Variants in COX18 observed in about 807,000 individuals in gnomAD.
COX18 encodes the protein cytochrome c oxidase assembly protein COX18, mitochondrial.
A neutral mutation model predicts 38.0 loss-of-function variants in COX18; 45 were observed. That is an observed-to-expected ratio of 1.18 (90% CI 0.93 to 1.52). COX18 has a LOEUF of 1.52. Among genes scored for constraint, COX18 ranks in the 40% most tolerant of loss-of-function variants. The pLI is 0.00. For missense variants in COX18, 462 were observed against 423.8 expected, an observed-to-expected ratio of 1.09 and a Z score of -0.79; for synonymous variants, 177 against 169.8, an observed-to-expected ratio of 1.04 and a Z score of -0.33.
intron 4 of COX18, among the ~76,000 whole-genome samples, chr4:73,062,320 T>C (rs1370077506): frequency 6.6e-6 from 1 of 151,774 alleles, no homozygotes; most frequent in African/African-American, 2.4e-5. Flanking sequence ...ATCATGCCAC[T>C]GCACTCCAGC....
intron 2 of COX18, among the ~76,000 whole-genome samples, chr4:73,067,231 T>C (rs551787120): frequency 6.0e-4 from 91 of 152,350 alleles, no homozygotes; most frequent in African/African-American, 2.1e-3. Context: ...CTGTAGGCTA[T>C]TACCTGCTGT....
intron 5 of COX18, among the ~76,000 whole-genome samples, chr4:73,061,099 G>A (rs1720132640): frequency 6.6e-6 from 1 of 152,102 alleles, no homozygotes; most frequent in Admixed American, 6.5e-5. Flanking sequence ...TTTCTATAAA[G>A]ATTAATTAGG....
Position 73,069,664 on chromosome 4 carries a change from G to A in COX18, c.-15C>T, listed in dbSNP as rs779943392. On this transcript the variant is annotated 5_prime_UTR_variant, in exon 1 of 6. Coordinates refer to ENST00000507544, the MANE Select transcript of COX18 (RefSeq NM_001297732.2). ...CGGCACAGCATTTCTGCACCACGGCGGAGCCCAGATCCCGGGCCTCACAAT... is the reference window on the plus strand; with the variant it reads ...CGGCACAGCATTTCTGCACCACGGCAGAGCCCAGATCCCGGGCCTCACAAT... 3 of 1,541,964 alleles carry A rather than the reference G, an allele frequency of 1.9e-6. No individual in the cohort carries two copies. The highest frequency in any genetic ancestry group is 8.7e-7 in the Non-Finnish European group (1 of 1,149,262).
intron 5 of COX18, among the ~76,000 whole-genome samples, chr4:73,061,157 AAAT>A (rs1720135138): frequency 1.3e-5 from 2 of 152,216 alleles, no homozygotes; most frequent in African/African-American, 4.8e-5. Context: ...TTATGAGATT[AAAT>A]AATACCATAC....
intron 5 of COX18, 28 bp from the exon 6 acceptor site, chr4:73,058,315 A>C: frequency 6.5e-7 from 1 of 1,530,938 alleles, no homozygotes; most frequent in South Asian, 1.2e-5. Context: ...AAATGTTAGC[A>C]TCTGTAATTC....
Position 73,069,498 on chromosome 4 carries a change from GCATGTACTGC to G in COX18, c.142_151del (p.Ala48ArgfsTer69). ...GGCCAGGGCCTCGTACCAGCCGTTC[GCATGTACTGC>G]AGAGACTGGTGCCACTGCCCACACT... On this transcript the variant is annotated frameshift_variant, in exon 1 of 6. Transcript: ENST00000507544. LOFTEE classifies it high-confidence loss of function. The G allele has an allele frequency of 6.3e-7, 1 of 1,591,904 alleles. No homozygotes were observed. Among genetic ancestry groups the G allele is most frequent in the Non-Finnish European group, 8.5e-7 (1 of 1,169,976 alleles).
intron 2 of COX18, 58 bp from the exon 3 acceptor site, chr4:73,065,471 C>T (rs1720403921): frequency 1.4e-6 from 2 of 1,472,638 alleles, no homozygotes; most frequent in Middle Eastern, 1.8e-4. Flanking sequence ...AAGAATCGTG[C>T]TTTATTTCCA....
chr4:73,063,332 C>CA (rs912055710), intron 4 of COX18, among the ~76,000 whole-genome samples: 15 of 152,126 alleles, frequency 9.9e-5, no homozygotes, highest in Middle Eastern at 6.8e-3. Flanking sequence ...AACAAACAAA[C>CA]AAAAAACACA....
At chr4:73,065,809 T>G (rs4694155) in intron 2 of COX18, among the ~76,000 whole-genome samples, 68,454 of 152,050 alleles carry the variant, frequency 0.45, 15,584 homozygotes, top group Admixed American at 0.52. Context: ...CATCCCTGAA[T>G]ATACCTTTTG....
chr4:73,068,438 T>C (rs548767635), intron 1 of COX18: 209 of 206,238 alleles, frequency 1.0e-3, no homozygotes, highest in African/African-American at 4.7e-3. Context: ...AACTGCACCC[T>C]GGGCTTTACT....
chr4:73,066,212 C>T lies in COX18; in HGVS notation c.435-799G>A, dbSNP rs923984132. Among the ~76,000 whole-genome samples the T allele has an allele frequency of 3.3e-5, 5 of 152,182 alleles. No homozygotes were observed. The South Asian group carries it at 6.2e-4, about 19-fold the overall frequency. On this transcript the variant is annotated intron_variant, in intron 2 of 5. Transcript: ENST00000507544. ...TTTGCCTATTCTTCCAATTTTATCT[C>T]GTTACTCCTCTAGACACCTGCATAT...
intron 1 of COX18, 95 bp downstream of exon 1, chr4:73,069,222 C>T: frequency 2.2e-6 from 2 of 903,624 alleles, no homozygotes; most frequent in Non-Finnish European, 3.3e-6. Flanking sequence ...CTGCAGAAGG[C>T]AACATCGTGC....
chr4:73,062,579 C>G (rs1024729352), intron 4 of COX18, among the ~76,000 whole-genome samples: 2 of 152,130 alleles, frequency 1.3e-5, no homozygotes, highest in Admixed American at 1.3e-4. Flanking sequence ...GCCTGTAATC[C>G]CAGAACTGGG....
At chr4:73,064,992 A>G (rs936703691) in intron 3 of COX18, 90 bp from the exon 4 acceptor site, 3 of 1,277,786 alleles carry the variant, frequency 2.3e-6, no homozygotes, top group East Asian at 2.5e-5. Flanking sequence ...GACAATTCCA[A>G]TAAGGTGTCC....
chr4:73,064,169 C>T (rs1720314644), intron 4 of COX18, among the ~76,000 whole-genome samples: 1 of 151,950 alleles, frequency 6.6e-6, no homozygotes, highest in African/African-American at 2.4e-5. Context: ...CCTATAATCC[C>T]AGCTACTCAG....
At chr4:73,060,608 T>A (rs951446893) in intron 5 of COX18, among the ~76,000 whole-genome samples, 10 of 152,110 alleles carry the variant, frequency 6.6e-5, no homozygotes, top group African/African-American at 2.4e-4. Context: ...GGGCCAGGCA[T>A]GGTGGCTCAC....
At chr4:73,060,066 G>A (rs1316268144) in intron 5 of COX18, among the ~76,000 whole-genome samples, 4 of 152,190 alleles carry the variant, frequency 2.6e-5, no homozygotes, top group Non-Finnish European at 5.9e-5. Flanking sequence ...ATGATAACAA[G>A]CTCTAACAGC....
At position 73,069,498 on chromosome 4, in the gene COX18, GCA is replaced by G. The variant is rs1560478536; in HGVS notation, c.150_151del (p.Ala51GlufsTer76). The stretch of plus-strand genomic sequence containing the variant: ...GGCCAGGGCCTCGTACCAGCCGTTC[GCA>G]TGTACTGCAGAGACTGGTGCCACTG... On this transcript the variant is annotated frameshift_variant, in exon 1 of 6. Coordinates refer to ENST00000507544, the MANE Select transcript of COX18 (RefSeq NM_001297732.2). LOFTEE classifies it high-confidence loss of function. The G allele has an allele frequency of 6.3e-7, 1 of 1,591,904 alleles. No individual in the cohort carries two copies. The highest frequency in any genetic ancestry group is 1.8e-5 in the Admixed American group (1 of 56,558).
Position 73,065,294 on chromosome 4 carries a change from G to A in COX18, c.554C>T (p.Ser185Phe). ...CGTGCTTAAATTCCGGAGAGCAAAA[G>A]ACATGAAGATCCACATTGGAAGCTG... Reference protein sequence around the residue: ...WIQLPMWIFMSFALRNLSTGA... With the variant: ...WIQLPMWIFMFFALRNLSTGA... Residue 185 changes from serine to phenylalanine, a missense_variant, in exon 3 of 6, where the codon TCT (serine) becomes TTT (phenylalanine). Coordinates refer to ENST00000507544, the MANE Select transcript of COX18 (RefSeq NM_001297732.2). 1 of 1,611,412 alleles carries A rather than the reference G, an allele frequency of 6.2e-7. No individual in the cohort carries two copies. Among genetic ancestry groups the A allele is most frequent in the South Asian group, 1.1e-5 (1 of 90,960 alleles).
Sources: gnomAD v4.1 joint callset for allele counts (sites outside exome capture counted in the v4.1 genomes callset) on GRCh38, gnomAD v4.1.1 for gene constraint, MANE v1.5 for transcripts, NCBI Gene and HGNC (gene_info 2026-07-23, HGNC 2026-07-21) for gene names.